The following TRIO variants were observed in gnomAD, a reference collection of about 807,000 sequenced individuals.
TRIO encodes the protein trio Rho guanine nucleotide exchange factor, also known as triple functional domain protein.
In TRIO, 58 loss-of-function variants were observed where a neutral mutation model predicts 351.9. That is an observed-to-expected ratio of 0.16 (90% CI 0.13 to 0.21). TRIO has a LOEUF of 0.21. Ranked by LOEUF, TRIO falls within the 10% of genes least tolerant of loss-of-function variation. TRIO has a pLI of 1.00. For missense variants in TRIO, 3,201 were observed against 4,027.8 expected, an observed-to-expected ratio of 0.79 and a Z score of 5.56; for synonymous variants, 1,758 against 1,595.7, an observed-to-expected ratio of 1.10 and a Z score of -2.42.
intron 11 of TRIO, among the ~76,000 whole-genome samples, chr5:14,352,509 A>G (rs1743232307): frequency 6.6e-6 from 1 of 152,252 alleles, no homozygotes; most frequent in Non-Finnish European, 1.5e-5. Flanking sequence ...GGGATATTTT[A>G]GGCATCATGT....
chr5:14,336,775 T>A, intron 11 of TRIO, 48 bp downstream of exon 11: 1 of 1,597,964 alleles, frequency 6.3e-7, no homozygotes, highest in South Asian at 1.1e-5. Flanking sequence ...AAAGGGTCTT[T>A]GAACTCTTTT....
chr5:14,310,217 A>G (rs570428784), intron 8 of TRIO, among the ~76,000 whole-genome samples: 2 of 152,384 alleles, frequency 1.3e-5, no homozygotes, highest in African/African-American at 4.8e-5. Flanking sequence ...TTTTTCAACA[A>G]ACTGAATTTA....
At chr5:14,456,357 G>T (rs762374923) in intron 34 of TRIO, among the ~76,000 whole-genome samples, 5 of 152,256 alleles carry the variant, frequency 3.3e-5, no homozygotes, top group African/African-American at 1.2e-4. Context: ...CCTCAAGCGT[G>T]GCCAGAGCAG....
rs771882752 is a variant in TRIO, at chr5:14,359,476, A to G, written c.2336A>G (p.Lys779Arg). The G allele has an allele frequency of 4.3e-6, 7 of 1,614,256 alleles. No homozygotes were observed. Among genetic ancestry groups the G allele is most frequent in the African/African-American group, 4.0e-5 (3 of 75,076 alleles). The change falls in exon 13 of 57, where the codon AAG becomes AGG. Residue 779 changes from lysine (K) to arginine (R), a missense_variant. By Grantham distance (26) the Lys-to-Arg change is conservative. Around this residue, in one of 19 missense-constraint regions of TRIO, gnomAD observed 363 missense variants for 553.5 expected, o/e 0.66. Coordinates refer to ENST00000344204, the MANE Select transcript of TRIO (RefSeq NM_007118.4). ...SQMEELFQER[K>R]IKLELFLQLR... is the part of the protein sequence containing the mutation. ...ATGGAGGAGCTCTTCCAGGAGCGCA[A>G]GATCAAGCTGGAGCTCTTCCTGCAG...
intron 1 of TRIO, among the ~76,000 whole-genome samples, chr5:14,246,045 A>G (rs562504114): frequency 1.0e-3 from 153 of 152,308 alleles, no homozygotes; most frequent in African/African-American, 3.6e-3. Context: ...AACACTCATT[A>G]TCCATTCCCT....
intron 1 of TRIO, among the ~76,000 whole-genome samples, chr5:14,157,688 A>G (rs1199211189): frequency 2.0e-5 from 3 of 152,050 alleles, no homozygotes; most frequent in Admixed American, 1.3e-4. Context: ...TCTGGGCTCA[A>G]GTGATCCTGC....
chr5:14,232,233 G>T (rs530465822), intron 1 of TRIO, among the ~76,000 whole-genome samples: 1 of 152,122 alleles, frequency 6.6e-6, no homozygotes, highest in East Asian at 1.9e-4. Flanking sequence ...GGCTTCTCCC[G>T]GTTCCGTGAG....
chr5:14,261,530 C>T (rs1217206102), intron 1 of TRIO, among the ~76,000 whole-genome samples: 1 of 152,224 alleles, frequency 6.6e-6, no homozygotes, highest in Non-Finnish European at 1.5e-5. Context: ...GTTGACTTGG[C>T]TTGCTGCTTC....
At chr5:14,470,115 C>T (rs1246662012) in intron 37 of TRIO, among the ~76,000 whole-genome samples, 1 of 152,320 alleles carries the variant, frequency 6.6e-6, no homozygotes, top group East Asian at 1.9e-4. Flanking sequence ...TCAGATCAAA[C>T]TCTGTTCCTT....
intron 41 of TRIO, among the ~76,000 whole-genome samples, chr5:14,478,222 C>G (rs910716243): frequency 1.3e-5 from 2 of 152,162 alleles, no homozygotes; most frequent in Non-Finnish European, 2.9e-5. Flanking sequence ...CGTGTATACT[C>G]CCTGGTTGAG....
chr5:14,433,181 C>T (rs1458183140), intron 34 of TRIO, among the ~76,000 whole-genome samples: 4 of 152,080 alleles, frequency 2.6e-5, no homozygotes, highest in Admixed American at 2.0e-4. Context: ...GAGAAAAACT[C>T]ACATAGTTTG....
Position 14,420,299 on chromosome 5 carries a change from C to T in TRIO, c.5203+278C>T, listed in dbSNP as rs1750012448. The T allele has an allele frequency of 1.2e-5, 5 of 407,076 alleles. No homozygotes were observed. The South Asian group carries it at 1.4e-4, about 11-fold the overall frequency. The allele number at this position is 407,076 out of a possible 1,614,324, so 25.2% of individuals were successfully genotyped here. ...TTAGAGAAGAACACTGATTTTGGAACATTCCAGTTGCTTCCTTCCTTTATC... is the reference window on the plus strand; with the variant it reads ...TTAGAGAAGAACACTGATTTTGGAATATTCCAGTTGCTTCCTTCCTTTATC... On this transcript the variant is annotated intron_variant, in intron 34 of 56. Transcript: ENST00000344204.
intron 11 of TRIO, among the ~76,000 whole-genome samples, chr5:14,341,532 A>C (rs1741942290): frequency 6.6e-6 from 1 of 152,236 alleles, no homozygotes; most frequent in South Asian, 2.1e-4. Context: ...CTGTGAAATA[A>C]GTGATGTCTA....
Position 14,293,110 on chromosome 5 carries a change from C to T in TRIO, c.1152C>T (p.His384=), listed in dbSNP as rs778433890. ...ATGCCATGGAGCTTCAGACGCAGCA[C>T]AATCACTTTGCCATGAACTGTATGG... is the stretch of plus-strand genomic sequence containing the variant. ...HPHAMELQTQ[H]NHFAMNCMNV... Residue 384 remains histidine, a synonymous_variant, in exon 6 of 57, where the codon CAC becomes CAT. Transcript: ENST00000344204. 20 of 1,614,042 alleles carry T rather than the reference C, an allele frequency of 1.2e-5. No individual in the cohort carries two copies. Among genetic ancestry groups the T allele is most frequent in the Admixed American group, 3.3e-5 (2 of 60,010 alleles).
chr5:14,315,001 C>G (rs1189967613), intron 8 of TRIO, among the ~76,000 whole-genome samples: 1 of 152,142 alleles, frequency 6.6e-6, no homozygotes, highest in Non-Finnish European at 1.5e-5. Flanking sequence ...AAGGAATAAT[C>G]AGCATTTCCA....
At chr5:14,171,186 T>G (rs1422922886) in intron 1 of TRIO, among the ~76,000 whole-genome samples, 1 of 152,192 alleles carries the variant, frequency 6.6e-6, no homozygotes, top group African/African-American at 2.4e-5. Flanking sequence ...TCATTTAGTT[T>G]GTCACTTCAG....
chr5:14,180,471 T>C lies in TRIO; in HGVS notation c.157+36589T>C, dbSNP rs553950788. On this transcript the variant is annotated intron_variant, in intron 1 of 56. Transcript: ENST00000344204. ...AAGAATATAACCTAAATTGTTCCTT[T>C]GTAAGAATCACATTTTTAACTTAAA... Among the ~76,000 whole-genome samples the C allele has an allele frequency of 1.1e-4, 17 of 152,330 alleles. No individual in the cohort carries two copies. In the South Asian group the frequency reaches 3.5e-3, roughly 32 times the overall value.
At chr5:14,187,384 C>T (rs1790187138) in intron 1 of TRIO, among the ~76,000 whole-genome samples, 1 of 152,112 alleles carries the variant, frequency 6.6e-6, no homozygotes. Context: ...TCTTAAGGTA[C>T]AGAGAGAATT....
At chr5:14,224,573 C>T (rs1792857706) in intron 1 of TRIO, among the ~76,000 whole-genome samples, 1 of 151,960 alleles carries the variant, frequency 6.6e-6, no homozygotes, top group South Asian at 2.1e-4. Flanking sequence ...TGGTTGTTTG[C>T]TTTCATGAAT....
Sources: gnomAD v4.1 joint callset for allele counts (sites outside exome capture counted in the v4.1 genomes callset) on GRCh38, gnomAD v4.1.1 for gene constraint, gnomAD v4.1.1 regional missense constraint, MANE v1.5 for transcripts, NCBI Gene and HGNC (gene_info 2026-07-23, HGNC 2026-07-21) for gene names.